LRMDA: variants seen among roughly 807,000 people sequenced by gnomAD.
LRMDA encodes leucine rich melanocyte differentiation associated.
A neutral mutation model predicts 29.8 loss-of-function variants in LRMDA; 18 were observed. The observed-to-expected ratio is 0.60, with a 90% confidence interval of 0.42 to 0.90. LRMDA has a LOEUF of 0.90. LRMDA is among the 40% of genes least tolerant of loss of function. The pLI is 0.00. For missense variants in LRMDA, 273 were observed against 273.9 expected (o/e 1.00, Z 0.02); for synonymous variants, 125 against 109.4 (o/e 1.14, Z -0.89).
intron 2 of LRMDA, among the ~76,000 whole-genome samples, chr10:75,739,149 C>T (rs566749972): frequency 1.3e-4 from 20 of 152,250 alleles, no homozygotes; most frequent in Admixed American, 1.2e-3. Flanking sequence ...GCCAGTGCGG[C>T]GACTTTGACA....
At chr10:75,636,955 GTATC>G (rs1474014038) in intron 2 of LRMDA, among the ~76,000 whole-genome samples, 1 of 152,142 alleles carries the variant, frequency 6.6e-6, no homozygotes, top group Non-Finnish European at 1.5e-5. Context: ...TGAAGGGAAA[GTATC>G]TATCTAACCT....
intron 3 of LRMDA, among the ~76,000 whole-genome samples, chr10:76,039,478 A>T (rs2132033389): frequency 6.6e-6 from 1 of 152,296 alleles, no homozygotes; most frequent in South Asian, 2.1e-4. Context: ...TAAAATGGTT[A>T]TTCACCCCAC....
chr10:75,827,223 A>G (rs1454221579), intron 2 of LRMDA, among the ~76,000 whole-genome samples: 1 of 152,154 alleles, frequency 6.6e-6, no homozygotes, highest in Non-Finnish European at 1.5e-5. Flanking sequence ...AGCAGGTAGA[A>G]TGGGGTGGCA....
chr10:75,973,419 CTTTTT>C (rs5786207), intron 2 of LRMDA, among the ~76,000 whole-genome samples: 1 of 137,106 alleles, frequency 7.3e-6, no homozygotes. Context: ...TGCCCTTGTC[CTTTTT>C]TTTTTTTTTT....
At chr10:76,227,573 T>A (rs1013739992) in intron 5 of LRMDA, among the ~76,000 whole-genome samples, 2 of 152,200 alleles carry the variant, frequency 1.3e-5, no homozygotes, top group Admixed American at 1.3e-4. Flanking sequence ...GGGTGATTTT[T>A]GTTTCTCAAG....
intron 2 of LRMDA, among the ~76,000 whole-genome samples, chr10:75,959,060 G>A (rs933617405): frequency 5.9e-5 from 9 of 152,322 alleles, no homozygotes; most frequent in Admixed American, 3.3e-4. Context: ...TTCAAGATGA[G>A]ATTTGGGTGG....
intron 2 of LRMDA, among the ~76,000 whole-genome samples, chr10:75,855,846 G>A (rs995994205): frequency 7.2e-5 from 11 of 152,114 alleles, no homozygotes; most frequent in Admixed American, 5.9e-4. Context: ...CCTTGTTTTT[G>A]TCAGGCTTGT....
At chr10:76,223,084 G>A (rs1048371685) in intron 5 of LRMDA, among the ~76,000 whole-genome samples, 1 of 151,818 alleles carries the variant, frequency 6.6e-6, no homozygotes. Context: ...CATGGACACA[G>A]GAAGGGGAAC....
intron 2 of LRMDA, among the ~76,000 whole-genome samples, chr10:75,846,558 A>G (rs961514755): frequency 6.6e-6 from 1 of 152,200 alleles, no homozygotes; most frequent in Non-Finnish European, 1.5e-5. Context: ...TTCTCCTAAC[A>G]TTGCCGTTTA....
At chr10:76,473,659 A>G (rs1214770493) in intron 6 of LRMDA, among the ~76,000 whole-genome samples, 1 of 151,636 alleles carries the variant, frequency 6.6e-6, no homozygotes, top group East Asian at 1.9e-4. Context: ...AAACAAATAA[A>G]TGAGTTCAGT....
chr10:75,449,099 C>T (rs1244841935), intron 2 of LRMDA, among the ~76,000 whole-genome samples: 1 of 150,528 alleles, frequency 6.6e-6, no homozygotes, highest in African/African-American at 2.5e-5. Flanking sequence ...TTGCAGTGAG[C>T]CAAGATCGTG....
intron 5 of LRMDA, among the ~76,000 whole-genome samples, chr10:76,317,537 C>G (rs1554865822): frequency 6.6e-6 from 1 of 152,134 alleles, no homozygotes; most frequent in African/African-American, 2.4e-5. Context: ...ATAAAGTTTA[C>G]AACTCCAAAC....
At chr10:76,432,840 G>A (rs1564540173) in intron 6 of LRMDA, among the ~76,000 whole-genome samples, 1 of 152,118 alleles carries the variant, frequency 6.6e-6, no homozygotes. Context: ...CGGGCCGAGG[G>A]CTCACCTCAT....
intron 2 of LRMDA, among the ~76,000 whole-genome samples, chr10:75,471,224 G>A (rs7912710): frequency 0.17 from 25,501 of 151,618 alleles, 2,411 homozygotes; most frequent in African/African-American, 0.26. Flanking sequence ...GGGGGGGTGG[G>A]GTGTGAGTGG....
At chr10:76,010,594 G>A (rs1847762121) in intron 2 of LRMDA, among the ~76,000 whole-genome samples, 1 of 152,208 alleles carries the variant, frequency 6.6e-6, no homozygotes, top group Non-Finnish European at 1.5e-5. Context: ...TTACAGGCGT[G>A]AGCCACTGTG....
chr10:75,591,735 C>A (rs1451022636), intron 2 of LRMDA, among the ~76,000 whole-genome samples: 1 of 152,170 alleles, frequency 6.6e-6, no homozygotes, highest in East Asian at 1.9e-4. Context: ...AGGATATTTT[C>A]TCTGAAACTG....
intron 2 of LRMDA, among the ~76,000 whole-genome samples, chr10:75,859,074 T>C (rs1339433717): frequency 6.6e-6 from 1 of 152,268 alleles, no homozygotes; most frequent in African/African-American, 2.4e-5. Flanking sequence ...TTGTGTGCAA[T>C]ATTCCATAGT....
chr10:76,403,186 G>A (rs1589167846), intron 6 of LRMDA: 1 of 151,214 alleles, frequency 6.6e-6, no homozygotes, highest in Non-Finnish European at 1.5e-5. Flanking sequence ...CTTTTTAATT[G>A]TTTCTCATTA....
intron 1 of LRMDA, among the ~76,000 whole-genome samples, chr10:75,437,807 A>G (rs1473284059): frequency 1.3e-5 from 2 of 152,192 alleles, no homozygotes; most frequent in Non-Finnish European, 2.9e-5. Context: ...CCGGACACAC[A>G]TTGTTGCCCT....
Sources: allele counts gnomAD v4.1 joint callset (sites outside exome capture counted in the v4.1 genomes callset), GRCh38; gene constraint gnomAD v4.1.1; transcripts MANE v1.5; gene names NCBI Gene and HGNC (gene_info 2026-07-23, HGNC 2026-07-21).